Variants in RTBDN observed in about 807,000 individuals in gnomAD.
The protein encoded by RTBDN is retbindin.
Under a neutral mutation model 21.9 loss-of-function variants are expected in RTBDN, and 24 were observed. The ratio of observed to expected loss-of-function variants is 1.10; its 90% CI spans 0.79 to 1.54. The LOEUF (loss-of-function observed/expected upper bound fraction) is 1.54, where lower values mean the gene tolerates loss of function less well. Ranked by LOEUF, RTBDN falls within the 40% of genes most tolerant of loss-of-function variation. RTBDN has a pLI of 0.00. For synonymous variants in RTBDN, 141 were observed against 125.9 expected, an observed-to-expected ratio of 1.12 and a Z score of -0.80; for missense variants, 325 against 315.2, an observed-to-expected ratio of 1.03 and a Z score of -0.23.
chr19:12,832,377 G>T (rs10418034), intron 1 of RTBDN, among the ~76,000 whole-genome samples: 10,086 of 152,166 alleles, frequency 0.066, 440 homozygotes, highest in African/African-American at 0.12. Context: ...CCAGTGATGT[G>T]CTGGAGGCCT....
upstream of RTBDN, chr19:12,835,126 C>A: frequency 6.2e-7 from 1 of 1,612,290 alleles, no homozygotes; most frequent in Non-Finnish European, 8.5e-7. Context: ...CCATCATTCC[C>A]GAGGTTGAAG....
chr19:12,826,056 T>A, intron 5 of RTBDN, 123 bp from the exon 6 acceptor site: 2 of 1,420,706 alleles, frequency 1.4e-6, no homozygotes, highest in African/African-American at 1.5e-5. Flanking sequence ...GCGTGCGGCC[T>A]GGGAGTCTAT....
rs1293268623 is a variant in RTBDN, at chr19:12,826,821, A to G, written c.416T>C (p.Leu139Pro). The change falls in exon 5 of 6, where the codon CTC becomes CCC. Residue 139 changes from leucine (L) to proline (P), a missense_variant. Coordinates refer to ENST00000674343, the MANE Select transcript of RTBDN (RefSeq NM_001270441.2). Reference protein sequence around the residue: ...DITCGPTWLPLSEKRGCEPSC... With the variant: ...DITCGPTWLPPSEKRGCEPSC... ...GGGCTCACAGCCCCTTTTTTCTGAG[A>G]GTGGGAGCCAAGTCGGGCCGCAGGT... is the stretch of plus-strand genomic sequence containing the variant. 1.3e-6 allele frequency: 2 copies of G among 1,555,424 alleles called. No homozygotes were observed. The highest frequency in any genetic ancestry group is 1.2e-5 in the South Asian group (1 of 84,262).
At position 12,830,284 on chromosome 19, in the gene RTBDN, T is replaced by C; in HGVS notation, c.-18-287A>G. On this transcript the variant is annotated intron_variant, in intron 1 of 5. Transcript: ENST00000674343. The surrounding 1 kb of genome is among the most constrained non-coding windows in gnomAD (Gnocchi z 4.2). ...TCCCATCCAGCAGGATCTCCCACCT[T>C]TTTAGTCTTCAAGAGACCCCTTCTT... 3 of 1,166,432 alleles carry C rather than the reference T, an allele frequency of 2.6e-6. No individual in the cohort carries two copies. Among genetic ancestry groups the C allele is most frequent in the Non-Finnish European group, 3.2e-6 (3 of 943,220 alleles). 72.3% of individuals were successfully genotyped at this position (1,166,432 alleles called of 1,614,324 possible).
chr19:12,833,837 A>G (rs919066058), intron 1 of RTBDN: 5 of 95,412 alleles, frequency 5.2e-5, no homozygotes, highest in Admixed American at 2.3e-4. Flanking sequence ...CGCCCCCGCC[A>G]CCCCTCCCCT....
At position 12,826,742 on chromosome 19, in the gene RTBDN, G is replaced by A. The variant is rs146895345; in HGVS notation, c.462+33C>T. ...AAATAACTTGGTGGGGAGGATCTCAGTCTCTTCCCTTCACCTTCTGCCCCA... is the reference window on the plus strand; with the variant it reads ...AAATAACTTGGTGGGGAGGATCTCAATCTCTTCCCTTCACCTTCTGCCCCA... On this transcript the variant is annotated intron_variant, in intron 5 of 5. Transcript: ENST00000674343. 6.3e-5 allele frequency: 80 copies of A among 1,270,160 alleles called. No homozygotes were observed. The African/African-American group carries it at 1.0e-3, about 16-fold the overall frequency. The allele number at this position is 1,270,160 out of a possible 1,614,324, so 78.7% of individuals were successfully genotyped here.
In RTBDN at chr19:12,825,665, TG is replaced by T. The variant is rs755612598; in HGVS notation, c.*40del. ...TTCTGGGTGTCCTGAGGGGCGGGGC[TG>T]GGGGAAGGGTCGCTCCCCCAACTCA... On this transcript the variant is annotated 3_prime_UTR_variant, in exon 6 of 6. Coordinates refer to ENST00000674343, the MANE Select transcript of RTBDN (RefSeq NM_001270441.2). 2.9e-5 allele frequency: 43 copies of T among 1,490,942 alleles called. No individual in the cohort carries two copies. The highest frequency in any genetic ancestry group is 2.3e-4 in the African/African-American group (16 of 70,000). 92.4% of individuals were successfully genotyped at this position (1,490,942 alleles called of 1,614,324 possible).
chr19:12,827,320 ATT>A (rs34634301), intron 4 of RTBDN, among the ~76,000 whole-genome samples: 107 of 120,292 alleles, frequency 8.9e-4, no homozygotes, highest in South Asian at 1.1e-3. Flanking sequence ...TGTCCGATTA[ATT>A]TTTTTTTTTT....
In RTBDN at chr19:12,834,564, CCTCCTCCA is replaced by C; in HGVS notation, c.-102_-95del. The stretch of plus-strand genomic sequence containing the variant: ...GACAGCTTTCTCACTCTTCATTCCA[CCTCCTCCA>C]CTACAACATCCGCCCCCCCACCGCG... On this transcript the variant is annotated 5_prime_UTR_variant, in exon 1 of 6. Coordinates refer to ENST00000674343, the MANE Select transcript of RTBDN (RefSeq NM_001270441.2). The surrounding 1 kb of genome is among the most constrained non-coding windows in gnomAD (Gnocchi z 4.7). The C allele has an allele frequency of 2.6e-6, 4 of 1,528,040 alleles. No homozygotes were observed. The highest frequency in any genetic ancestry group is 3.5e-6 in the Non-Finnish European group (4 of 1,140,574). 94.7% of individuals were successfully genotyped at this position (1,528,040 alleles called of 1,614,324 possible). A position where few individuals can be genotyped will look rare whatever the true frequency, so the allele number is the denominator to read the frequency against.
In RTBDN at chr19:12,830,016, G is replaced by A; in HGVS notation, c.-18-19C>T. 6.3e-7 allele frequency: 1 copy of A among 1,591,636 alleles called. No homozygotes were observed. On this transcript the variant is annotated intron_variant, in intron 1 of 5. Transcript: ENST00000674343. The surrounding 1 kb of genome is among the most constrained non-coding windows in gnomAD (Gnocchi z 4.2). The stretch of plus-strand genomic sequence containing the variant: ...ATAAGAGCTGGCAGGCATAGGGTGG[G>A]GTTCAGCCATCCCTTTCTGTGAGCT...
intron 2 of RTBDN, 145 bp from the exon 3 acceptor site, chr19:12,829,098 C>T (rs1439122962): frequency 2.3e-6 from 3 of 1,320,312 alleles, no homozygotes; most frequent in African/African-American, 3.0e-5. Context: ...CTTTGGAATG[C>T]AAATGCAGCT....
Position 12,830,068 on chromosome 19 carries a change from C to A in RTBDN, c.-18-71G>T. 1 of 1,514,628 alleles carries A rather than the reference C, an allele frequency of 6.6e-7. No homozygotes were observed. The highest frequency in any genetic ancestry group is 1.8e-5 in the Admixed American group (1 of 55,140). 93.8% of individuals were successfully genotyped at this position (1,514,628 alleles called of 1,614,324 possible). ...AGGGTGGCACCCACCCAGTGCATAC[C>A]CAAGAAGCAGTGCCAGGCAGAGTAG... On this transcript the variant is annotated intron_variant, in intron 1 of 5. Coordinates refer to ENST00000674343, the MANE Select transcript of RTBDN (RefSeq NM_001270441.2). This position sits in a 1 kb window ranked among gnomAD's most constrained non-coding sequence, Gnocchi z 4.2.
chr19:12,829,824 C>CT lies in RTBDN; in HGVS notation c.155dup (p.Leu53AlafsTer33). The CT allele has an allele frequency of 3.7e-6, 6 of 1,611,024 alleles. No homozygotes were observed. The highest frequency in any genetic ancestry group is 5.1e-6 in the Non-Finnish European group (6 of 1,177,454). On this transcript the variant is annotated frameshift_variant, in exon 2 of 6. Coordinates refer to ENST00000674343, the MANE Select transcript of RTBDN (RefSeq NM_001270441.2). LOFTEE classifies it high-confidence loss of function. ...TGGGGTGCTCACCTGCCAGGTGCAG[C>CT]TTGCCTTTGCCCAGATCAGCTGCCA...
chr19:12,831,316 C>G (rs1969565293), intron 1 of RTBDN, among the ~76,000 whole-genome samples: 1 of 152,098 alleles, frequency 6.6e-6, no homozygotes, highest in Non-Finnish European at 1.5e-5. Context: ...ATGTGTGTTG[C>G]TTGTGAACAC....
chr19:12,834,449 C>G lies in RTBDN; in HGVS notation c.-19+40G>C. 1 of 1,468,906 alleles carries G rather than the reference C, an allele frequency of 6.8e-7. No homozygotes were observed. The highest frequency in any genetic ancestry group is 1.2e-5 in the South Asian group (1 of 82,730). The allele number at this position is 1,468,906 out of a possible 1,614,324, so 91.0% of individuals were successfully genotyped here. ...CCTCGCCCCTCACCACCCCAGGAGC[C>G]CCCTCCCGAGGCATAGGACGCCCTG... On this transcript the variant is annotated intron_variant, in intron 1 of 5. Transcript: ENST00000674343. This position sits in a 1 kb window ranked among gnomAD's most constrained non-coding sequence, Gnocchi z 4.7.
chr19:12,828,647 C>A lies in RTBDN; in HGVS notation c.365+10G>T, dbSNP rs910710773. The A allele has an allele frequency of 1.2e-6, 2 of 1,603,530 alleles. No individual in the cohort carries two copies. The highest frequency in any genetic ancestry group is 1.7e-6 in the Non-Finnish European group (2 of 1,173,288). On this transcript the variant is annotated intron_variant, in intron 4 of 5. Transcript: ENST00000674343. ...TCACAACCCACGCCCCTTGCCCCCG[C>A]GTCTCCTACCAGGCCTGGCAGAGCT...
At chr19:12,833,718 C>T (rs1024125338) in intron 1 of RTBDN, among the ~76,000 whole-genome samples, 6 of 135,684 alleles carry the variant, frequency 4.4e-5, no homozygotes, top group African/African-American at 2.6e-5. Flanking sequence ...GAGGCTCCGC[C>T]CCCCCGCCCG....
At chr19:12,829,728 C>T (rs562027530) in intron 2 of RTBDN, 83 bp downstream of exon 2, 3 of 1,454,090 alleles carry the variant, frequency 2.1e-6, no homozygotes, top group South Asian at 2.5e-5. Context: ...AGGCCCCTCT[C>T]ATAAGGAAAT....
intron 4 of RTBDN, among the ~76,000 whole-genome samples, chr19:12,827,488 C>T (rs573486227): frequency 6.6e-6 from 1 of 151,672 alleles, no homozygotes; most frequent in Non-Finnish European, 1.5e-5. Context: ...ACGCCTGGCT[C>T]ATTTTTGTGT....
Sources: gnomAD v4.1 joint callset for allele counts (sites outside exome capture counted in the v4.1 genomes callset) on GRCh38, gnomAD v4.1.1 for gene constraint, Gnocchi (gnomAD v3.1) non-coding constraint, MANE v1.5 for transcripts, NCBI Gene and HGNC (gene_info 2026-07-23, HGNC 2026-07-21) for gene names.